The following SH3BGR variants were observed in gnomAD, a reference collection of about 807,000 sequenced individuals.
The protein encoded by SH3BGR is SH3 domain-binding glutamic acid-rich protein.
Under a neutral mutation model 24.5 loss-of-function variants are expected in SH3BGR, and 29 were observed. That is an observed-to-expected ratio of 1.18 (90% CI 0.88 to 1.61). The LOEUF (loss-of-function observed/expected upper bound fraction) is 1.61. SH3BGR is among the 40% of genes most tolerant of loss of function. SH3BGR has a pLI of 0.00. For missense variants in SH3BGR, 162 were observed against 205.8 expected (o/e 0.79, Z 1.30); for synonymous variants, 55 against 65.7 (o/e 0.84, Z 0.79).
chr21:39,499,097 C>T (rs1216758945), intron 3 of SH3BGR, among the ~76,000 whole-genome samples: 1 of 152,150 alleles, frequency 6.6e-6, no homozygotes, highest in Non-Finnish European at 1.5e-5. Context: ...ATCATGAGGA[C>T]AGCATGGAGG....
At chr21:39,504,730 G>A (rs2078554206) in intron 4 of SH3BGR, among the ~76,000 whole-genome samples, 1 of 152,196 alleles carries the variant, frequency 6.6e-6, no homozygotes, top group East Asian at 1.9e-4. Flanking sequence ...TGCCAGCCGT[G>A]AAAGTCAATT....
rs767434517 is a variant in SH3BGR at position 39,509,075 on chromosome 21, A to G, written c.435+48A>G. 2.0e-6 allele frequency: 3 copies of G among 1,522,706 alleles called. No individual in the cohort carries two copies. In the South Asian group the frequency reaches 3.6e-5, roughly 18 times the overall value. 94.3% of individuals were successfully genotyped at this position (1,522,706 alleles called of 1,614,324 possible). ...GCTGTGCTTAATCTGCTTAATAAAA[A>G]CATCTTTTAGGTGGGAGGATTGCAG... On this transcript the variant is annotated intron_variant, in intron 5 of 6. Transcript: ENST00000333634.
At chr21:39,486,114 C>G (rs2078209314) in intron 3 of SH3BGR, among the ~76,000 whole-genome samples, 1 of 152,136 alleles carries the variant, frequency 6.6e-6, no homozygotes, top group Non-Finnish European at 1.5e-5. Context: ...GCTTGTAGCT[C>G]ATTACAAATA....
At chr21:39,474,991 A>G in intron 2 of SH3BGR, 144 bp from the exon 3 acceptor site, 1 of 583,530 alleles carries the variant, frequency 1.7e-6, no homozygotes, top group Non-Finnish European at 3.0e-6. Flanking sequence ...TCTGGAGGTT[A>G]GTCATCTTTG....
At chr21:39,460,531 G>A (rs2077737689) in intron 1 of SH3BGR, among the ~76,000 whole-genome samples, 2 of 151,954 alleles carry the variant, frequency 1.3e-5, no homozygotes, top group African/African-American at 2.4e-5. Flanking sequence ...GCCCAGGCTG[G>A]AGTGCAGGGC....
upstream of SH3BGR, among the ~76,000 whole-genome samples, chr21:39,448,150 G>C (rs1042847649): frequency 2.0e-5 from 3 of 152,128 alleles, no homozygotes; most frequent in African/African-American, 7.2e-5. Flanking sequence ...ATTGGACTTA[G>C]GGCCCACCCT....
chr21:39,496,820 A>G (rs1296257135), intron 3 of SH3BGR, among the ~76,000 whole-genome samples: 1 of 152,160 alleles, frequency 6.6e-6, no homozygotes, highest in African/African-American at 2.4e-5. Flanking sequence ...TCTGAAGGAC[A>G]CTAACAAATA....
In SH3BGR at chr21:39,469,329, T is replaced by C. The variant is rs2077898068; in HGVS notation, c.232-5806T>C. On this transcript the variant is annotated intron_variant, in intron 2 of 6. Transcript: ENST00000333634. The stretch of plus-strand genomic sequence containing the variant: ...CTTCTCTGATTTTTTTTTTTAAGTT[T>C]ATGTTGTTCATAGTTTTTTGTTCGT... 2.0e-5 allele frequency among the ~76,000 whole-genome samples: 3 copies of C among 152,024 alleles called. No individual in the cohort carries two copies. The South Asian group carries it at 6.2e-4, about 32-fold the overall frequency.
At chr21:39,484,471 G>A (rs2026268) in intron 3 of SH3BGR, among the ~76,000 whole-genome samples, 83,736 of 152,014 alleles carry the variant, frequency 0.55, 23,521 homozygotes, top group East Asian at 0.68. Context: ...ATACTAATAC[G>A]TATAAATCTA....
At chr21:39,447,705 C>T (rs934918018), upstream of SH3BGR, among the ~76,000 whole-genome samples, 3 of 152,146 alleles carry the variant, frequency 2.0e-5, no homozygotes, top group African/African-American at 7.2e-5. Flanking sequence ...AGGCATAAGC[C>T]ACCGTGCCTG....
intron 6 of SH3BGR, among the ~76,000 whole-genome samples, chr21:39,513,716 A>T (rs999807457): frequency 6.6e-6 from 1 of 152,154 alleles, no homozygotes; most frequent in East Asian, 1.9e-4. Context: ...TGGCAAGCTT[A>T]AGATATTCTA....
At chr21:39,456,115 C>CT (rs34711466) in intron 1 of SH3BGR, among the ~76,000 whole-genome samples, 1 of 152,040 alleles carries the variant, frequency 6.6e-6, no homozygotes, top group Non-Finnish European at 1.5e-5. Context: ...TAAAATATAG[C>CT]TTTTTTCCCA....
Position 39,499,889 on chromosome 21 carries a change from A to T in SH3BGR, c.379A>T (p.Asn127Tyr). The T allele has an allele frequency of 6.2e-7, 1 of 1,613,380 alleles. No individual in the cohort carries two copies. The highest frequency in any genetic ancestry group is 1.7e-5 in the Admixed American group (1 of 60,010). Residue 127 changes from asparagine (N) to tyrosine (Y), a missense_variant, in exon 4 of 7, where the codon AAC becomes TAC. Coordinates refer to ENST00000333634, the MANE Select transcript of SH3BGR (RefSeq NM_007341.3). ...AAAAGAGGGCAGTGAAGATGTGGGCAACCTCCCTGAAGCCCAGGAGAAGAA... is the reference window on the plus strand; with the variant it reads ...AAAAGAGGGCAGTGAAGATGTGGGCTACCTCCCTGAAGCCCAGGAGAAGAA... ...AQKEGSEDVG[N>Y]LPEAQEKNEE...
chr21:39,476,138 G>A (rs993135779), intron 3 of SH3BGR, among the ~76,000 whole-genome samples: 2 of 152,176 alleles, frequency 1.3e-5, no homozygotes, highest in African/African-American at 4.8e-5. Context: ...GGGACTTCAA[G>A]TTTAAAGTTG....
intron 3 of SH3BGR, among the ~76,000 whole-genome samples, chr21:39,484,572 C>T (rs537683893): frequency 5.1e-4 from 77 of 152,210 alleles, no homozygotes; most frequent in Non-Finnish European, 9.0e-4. Flanking sequence ...TGCTCAGGTA[C>T]TGTCATATTA....
intron 2 of SH3BGR, among the ~76,000 whole-genome samples, chr21:39,466,762 G>C (rs1392523212): frequency 2.0e-5 from 3 of 152,306 alleles, no homozygotes; most frequent in Non-Finnish European, 2.9e-5. Flanking sequence ...ACCTCTGACT[G>C]GGTCCCTTCT....
chr21:39,475,108 T>A (rs918157854), intron 2 of SH3BGR, 27 bp from the exon 3 acceptor site: 10 of 1,472,414 alleles, frequency 6.8e-6, no homozygotes, highest in Non-Finnish European at 9.5e-6. Context: ...TGCAGTAGTT[T>A]TAAACTTTCT....
intron 3 of SH3BGR, among the ~76,000 whole-genome samples, chr21:39,495,220 G>T (rs776998463): frequency 1.2e-4 from 19 of 152,010 alleles, no homozygotes; most frequent in Non-Finnish European, 2.2e-4. Context: ...TTTCTCTTGA[G>T]AATGAGTAAC....
chr21:39,450,848 G>A (rs1028877496), upstream of SH3BGR, among the ~76,000 whole-genome samples: 2 of 152,070 alleles, frequency 1.3e-5, no homozygotes, highest in African/African-American at 4.8e-5. Context: ...ACCCAGGCTG[G>A]AGTGCCGTGG....
Sources: allele counts gnomAD v4.1 joint callset (sites outside exome capture counted in the v4.1 genomes callset), GRCh38; gene constraint gnomAD v4.1.1; transcripts MANE v1.5; gene names NCBI Gene and HGNC (gene_info 2026-07-23, HGNC 2026-07-21).